Variants in ZNF112 observed in about 807,000 individuals in gnomAD.
ZNF112 encodes the protein zinc finger protein 112, also known as zinc finger protein 112 (Y14).
Under a neutral mutation model 77.7 loss-of-function variants are expected in ZNF112, and 37 were observed. That is an observed-to-expected ratio of 0.48 (90% CI 0.37 to 0.63). The LOEUF is 0.63. Among genes scored for constraint, ZNF112 ranks in the 20% least tolerant of loss-of-function variants. ZNF112 has a pLI of 0.00. For missense variants in ZNF112, 950 were observed against 1,077.4 expected (o/e 0.88, Z 1.66); for synonymous variants, 333 against 363.6 (o/e 0.92, Z 0.96).
upstream of ZNF112, among the ~76,000 whole-genome samples, chr19:44,357,614 A>G (rs1970806428): frequency 6.6e-6 from 1 of 152,246 alleles, no homozygotes; most frequent in Non-Finnish European, 1.5e-5. Flanking sequence ...ATAAGCAGAA[A>G]CAGTAAATGG....
intron 1 of ZNF112, among the ~76,000 whole-genome samples, chr19:44,351,191 CTCTTA>C (rs1244627607): frequency 1.3e-5 from 2 of 152,060 alleles, no homozygotes; most frequent in African/African-American, 4.8e-5. Flanking sequence ...TTCTGCTTTT[CTCTTA>C]TAAGAATCCT....
At chr19:44,343,117 AGC>A in intron 1 of ZNF112, 1 of 879,078 alleles carries the variant, frequency 1.1e-6, no homozygotes. Flanking sequence ...AAAAACAAAA[AGC>A]AAGAGCCTGA....
Position 44,329,012 on chromosome 19 carries a change from T to C in ZNF112, c.1145A>G (p.Glu382Gly), listed in dbSNP as rs1392362098. Residue 382 changes from glutamate to glycine, a missense_variant, in exon 4 of 4, where the codon GAA becomes GGA. Physicochemically the swap from Glu to Gly is moderately conservative, Grantham distance 98 (BLOSUM62 -2). This residue lies in a region of ZNF112 where 560 missense variants were observed against 557.3 expected (regional missense o/e 1.00). Transcript: ENST00000354340. ...AAAGACATTCTCATTTTCCTCATAT[T>C]CATGGGGTTCATCCCTAGTATGGAC... is the stretch of plus-strand genomic sequence containing the variant. ...FRVHTRDEPH[E>G]YEENENVFNQ... is the part of the protein sequence containing the mutation. The C allele has an allele frequency of 6.2e-7, 1 of 1,613,970 alleles. No homozygotes were observed. The highest frequency in any genetic ancestry group is 8.5e-7 in the Non-Finnish European group (1 of 1,179,956).
chr19:44,346,373 T>C (rs775037845), intron 1 of ZNF112, among the ~76,000 whole-genome samples: 9 of 152,238 alleles, frequency 5.9e-5, no homozygotes, highest in Non-Finnish European at 1.0e-4. Context: ...GTGTGAGTGG[T>C]AATAAAATCT....
intron 2 of ZNF112, 39 bp from the exon 3 acceptor site, chr19:44,336,757 G>T: frequency 6.4e-7 from 1 of 1,558,338 alleles, no homozygotes; most frequent in Non-Finnish European, 8.9e-7. Flanking sequence ...TTTTAAGTTT[G>T]ATGACATTCA....
chr19:44,332,564 G>C (rs959571033), intron 3 of ZNF112, among the ~76,000 whole-genome samples: 7 of 152,114 alleles, frequency 4.6e-5, no homozygotes, highest in African/African-American at 1.7e-4. Flanking sequence ...AATCCTTGTA[G>C]TTTTGTTTTA....
At chr19:44,357,729 A>G (rs1252314596), upstream of ZNF112, among the ~76,000 whole-genome samples, 1 of 152,182 alleles carries the variant, frequency 6.6e-6, no homozygotes, top group East Asian at 1.9e-4. Context: ...ATGGGAAGGG[A>G]TAAGTCTCTT....
At chr19:44,336,535 GGAAAGCTT>G (rs1482179167) in intron 3 of ZNF112, 80 bp downstream of exon 3, 16 of 1,159,956 alleles carry the variant, frequency 1.4e-5, no homozygotes, top group Non-Finnish European at 1.9e-5. Context: ...GGGAGCCACA[GGAAAGCTT>G]AAACAGAGAA....
chr19:44,355,093 T>C (rs570486595), intron 1 of ZNF112, among the ~76,000 whole-genome samples: 15 of 152,176 alleles, frequency 9.9e-5, no homozygotes, highest in African/African-American at 3.4e-4. Context: ...AGGGAGTTGA[T>C]ACAAGACTGG....
chr19:44,349,310 G>C (rs777456946), intron 1 of ZNF112, among the ~76,000 whole-genome samples: 6 of 151,764 alleles, frequency 4.0e-5, no homozygotes, highest in Non-Finnish European at 5.9e-5. Context: ...ATGTATTGCT[G>C]TACCACAACA....
chr19:44,327,424 T>G lies in ZNF112; in HGVS notation c.*9A>C. The stretch of plus-strand genomic sequence containing the variant: ...GTGACTGGAAAATTTCAGCTCCCAT[T>G]TGAGGACTTCAAAACAAAACAGAAT... On this transcript the variant is annotated 3_prime_UTR_variant, in exon 4 of 4. Transcript: ENST00000354340. The G allele has an allele frequency of 6.4e-7, 1 of 1,567,746 alleles. No individual in the cohort carries two copies. The highest frequency in any genetic ancestry group is 8.6e-7 in the Non-Finnish European group (1 of 1,157,936).
chr19:44,332,339 G>C (rs776686284), intron 3 of ZNF112, among the ~76,000 whole-genome samples: 10 of 152,116 alleles, frequency 6.6e-5, no homozygotes, highest in Non-Finnish European at 1.3e-4. Flanking sequence ...ACTGATTGTG[G>C]GATAACACTT....
rs1970139866 is a variant in ZNF112, at chr19:44,327,270, A to C, written c.*163T>G. ...ATGACTGATGTTAAAGTTCTAACAA[A>C]ATCCCTCGTGAAACCCCTCTCATTA... On this transcript the variant is annotated 3_prime_UTR_variant, in exon 4 of 4. Coordinates refer to ENST00000354340, the MANE Select transcript of ZNF112 (RefSeq NM_013380.4). The C allele has an allele frequency of 1.7e-6, 1 of 597,344 alleles. No individual in the cohort carries two copies. Among genetic ancestry groups the C allele is most frequent in the Admixed American group, 3.2e-5 (1 of 31,718 alleles). The allele number at this position is 597,344 out of a possible 1,614,324, so 37.0% of individuals were successfully genotyped here. A position where few individuals can be genotyped will look rare whatever the true frequency, so the allele number is the denominator to read the frequency against.
rs1970137169 is a variant in ZNF112, at chr19:44,327,117, G to GCAATGAA, written c.*309_*315dup. On this transcript the variant is annotated 3_prime_UTR_variant, in exon 4 of 4. Transcript: ENST00000354340. ...TGAAATGTCCTAGTTTTGTAGACTA[G>GCAATGAA]CAATGAACAAAGTCCCTTCTTTCAC... 8.9e-6 allele frequency: 2 copies of GCAATGAA among 224,648 alleles called. No homozygotes were observed. The highest frequency in any genetic ancestry group is 2.3e-4 in the South Asian group (2 of 8,694). The allele number at this position is 224,648 out of a possible 1,614,324, so 13.9% of individuals were successfully genotyped here.
chr19:44,364,262 C>T (rs1303650069), intron 1 of ZNF112, among the ~76,000 whole-genome samples: 2 of 152,248 alleles, frequency 1.3e-5, no homozygotes, highest in East Asian at 3.9e-4. Flanking sequence ...AGTTGTATCT[C>T]TCTGCAGTTT....
intron 1 of ZNF112, among the ~76,000 whole-genome samples, chr19:44,366,893 AC>A: frequency 6.6e-6 from 1 of 152,176 alleles, no homozygotes; most frequent in Non-Finnish European, 1.5e-5. Context: ...GTTTGGTACT[AC>A]TATTCCCCTT....
In ZNF112 at chr19:44,361,885, A is replaced by G. The variant is rs1970857817; in HGVS notation, c.17+5196T>C. On this transcript the variant is annotated intron_variant, in intron 1 of 4. Coordinates refer to the ZNF112 transcript ENST00000588057. ...GAAACTGGGCAGGGGAAAGGAGAGT[A>G]TATGGGAAATATTAATACTTTCTCA... is the stretch of plus-strand genomic sequence containing the variant. Among the ~76,000 whole-genome samples the G allele has an allele frequency of 4.0e-5, 6 of 149,066 alleles. No homozygotes were observed. In the South Asian group the frequency reaches 1.3e-3, roughly 31 times the overall value.
chr19:44,328,569 G>C lies in ZNF112; in HGVS notation c.1588C>G (p.His530Asp). The C allele has an allele frequency of 1.9e-6, 3 of 1,611,624 alleles. No homozygotes were observed. Among genetic ancestry groups the C allele is most frequent in the Non-Finnish European group, 2.5e-6 (3 of 1,178,482 alleles). ...KCNICGKGFNHRSVLNVHQRV... is the reference protein window; with the variant it reads ...KCNICGKGFNDRSVLNVHQRV... The stretch of plus-strand genomic sequence containing the variant: ...TGATGAACATTCAGAACTGATCTAT[G>C]ATTGAAACCTTTGCCGCATATATTG... Residue 530 changes from histidine to aspartate, a missense_variant, in exon 4 of 4, where the codon CAT becomes GAT. His to Asp is a moderately conservative substitution (Grantham distance 81). Coordinates refer to ENST00000354340, the MANE Select transcript of ZNF112 (RefSeq NM_013380.4).
At chr19:44,339,989 G>C (rs992396493) in intron 2 of ZNF112, among the ~76,000 whole-genome samples, 5 of 152,122 alleles carry the variant, frequency 3.3e-5, no homozygotes, top group Non-Finnish European at 7.3e-5. Flanking sequence ...AGAGCAAATA[G>C]GGTAAAATGT....
Sources: allele counts gnomAD v4.1 joint callset (sites outside exome capture counted in the v4.1 genomes callset), GRCh38; gene constraint gnomAD v4.1.1; regional missense constraint gnomAD v4.1.1; transcripts MANE v1.5; gene names NCBI Gene and HGNC (gene_info 2026-07-23, HGNC 2026-07-21).